Variants in OXR1 observed in about 807,000 individuals in gnomAD.
The protein encoded by OXR1 is oxidation resistance 1, also known as oxidation resistance protein 1.
Under a neutral mutation model 104.6 loss-of-function variants are expected in OXR1, and 41 were observed. That is an observed-to-expected ratio of 0.39 (90% confidence interval 0.31 to 0.51). The LOEUF (loss-of-function observed/expected upper bound fraction) is 0.51, where lower values mean the gene tolerates loss of function less well. Ranked by LOEUF, OXR1 falls within the 20% of genes least tolerant of loss-of-function variation. The pLI, the probability that OXR1 is intolerant of heterozygous loss-of-function variation, is 0.77. For missense variants in OXR1, 955 were observed against 1,031.9 expected, an observed-to-expected ratio of 0.93 and a Z score of 1.02; for synonymous variants, 348 against 348.4, an observed-to-expected ratio of 1.00 and a Z score of 0.01.
At chr8:106,549,563 C>A (rs550864764) in intron 3 of OXR1, among the ~76,000 whole-genome samples, 57 of 152,250 alleles carry the variant, frequency 3.7e-4, no homozygotes, top group African/African-American at 1.3e-3. Context: ...GTTCAGACTG[C>A]TATAACAGAA....
intron 2 of OXR1, among the ~76,000 whole-genome samples, chr8:106,377,102 T>A (rs1039450131): frequency 6.6e-6 from 1 of 152,184 alleles, no homozygotes; most frequent in Non-Finnish European, 1.5e-5. Flanking sequence ...GGGGGAGAAC[T>A]ACAGTCAAAT....
chr8:106,567,434 T>A (rs1346634682), intron 3 of OXR1, among the ~76,000 whole-genome samples: 1 of 152,148 alleles, frequency 6.6e-6, no homozygotes, highest in African/African-American at 2.4e-5. Context: ...ATGCCATGGC[T>A]TTTGTTTTGT....
At chr8:106,657,949 C>G in intron 3 of OXR1, 13 of 1,248,040 alleles carry the variant, frequency 1.0e-5, no homozygotes, top group Non-Finnish European at 1.3e-5. Flanking sequence ...AACCGTCGAC[C>G]TCCTGGGCCC....
chr8:106,344,735 T>A (rs1450916072), intron 1 of OXR1, among the ~76,000 whole-genome samples: 4 of 152,236 alleles, frequency 2.6e-5, no homozygotes, highest in African/African-American at 9.6e-5. Context: ...AGCCAGCTGA[T>A]GCATGAAAAG....
At chr8:106,737,218 T>C (rs1454955334) in intron 11 of OXR1, among the ~76,000 whole-genome samples, 1 of 152,164 alleles carries the variant, frequency 6.6e-6, no homozygotes, top group Non-Finnish European at 1.5e-5. Context: ...GTATGTGTTT[T>C]ATATAGTGTT....
At chr8:106,636,537 A>G (rs961139077) in intron 3 of OXR1, among the ~76,000 whole-genome samples, 18 of 152,156 alleles carry the variant, frequency 1.2e-4, no homozygotes, top group African/African-American at 3.6e-4. Flanking sequence ...ATGAACCACT[A>G]ATGCCTGACT....
At chr8:106,554,030 C>G (rs1340161046) in intron 3 of OXR1, among the ~76,000 whole-genome samples, 1 of 152,096 alleles carries the variant, frequency 6.6e-6, no homozygotes, top group Non-Finnish European at 1.5e-5. Context: ...TTTTCATCAT[C>G]TCTGTAACAT....
chr8:106,736,165 A>C (rs868397200), intron 11 of OXR1, among the ~76,000 whole-genome samples: 123 of 145,626 alleles, frequency 8.4e-4, no homozygotes, highest in Non-Finnish European at 1.1e-3. Flanking sequence ...TTTATCTGAC[A>C]CCCCCCCCCA....
intron 10 of OXR1, among the ~76,000 whole-genome samples, chr8:106,713,183 T>A (rs549224609): frequency 6.6e-6 from 1 of 151,990 alleles, no homozygotes; most frequent in Non-Finnish European, 1.5e-5. Context: ...CTGAAAGTTA[T>A]ATAATCAATT....
At chr8:106,433,360 C>T (rs757866859) in intron 2 of OXR1, among the ~76,000 whole-genome samples, 2 of 152,162 alleles carry the variant, frequency 1.3e-5, no homozygotes, top group Non-Finnish European at 2.9e-5. Flanking sequence ...TTAGGTTTTA[C>T]ATTAGTGATG....
rs565408305 is a variant in OXR1, at chr8:106,357,920, T to C, written c.-138-1556T>C. Reference sequence around the variant, plus strand: ...GCAGACGCTGCTAGTTTTCTGCCAGTATCCACTTCCCCACCTTCCTTACCG... The same window carrying C: ...GCAGACGCTGCTAGTTTTCTGCCAGCATCCACTTCCCCACCTTCCTTACCG... On this transcript the variant is annotated intron_variant, in intron 1 of 16. Coordinates refer to ENST00000517566, the MANE Select transcript of OXR1 (RefSeq NM_001198533.2). Among the ~76,000 whole-genome samples, 26 of 152,288 alleles carry C rather than the reference T, an allele frequency of 1.7e-4. 1 individual carries two copies. In the South Asian group the frequency reaches 5.4e-3, roughly 32 times the overall value.
intron 11 of OXR1, 151 bp downstream of exon 11, chr8:106,714,136 A>C: frequency 1.7e-6 from 1 of 579,532 alleles, no homozygotes; most frequent in Non-Finnish European, 2.9e-6. Flanking sequence ...TGGTTATTGA[A>C]TGAATCTGAA....
At chr8:106,738,967 T>G (rs1014626139) in intron 12 of OXR1, among the ~76,000 whole-genome samples, 1 of 152,124 alleles carries the variant, frequency 6.6e-6, no homozygotes, top group African/African-American at 2.4e-5. Context: ...ATAGTTATTT[T>G]TTTTTATTCT....
At chr8:106,671,629 T>C (rs1826991155) in intron 3 of OXR1, among the ~76,000 whole-genome samples, 1 of 152,044 alleles carries the variant, frequency 6.6e-6, no homozygotes, top group Non-Finnish European at 1.5e-5. Context: ...CGTGGAATAT[T>C]ATGCAGCCAT....
intron 2 of OXR1, among the ~76,000 whole-genome samples, chr8:106,385,335 T>C (rs1425142516): frequency 6.6e-6 from 1 of 152,232 alleles, no homozygotes; most frequent in African/African-American, 2.4e-5. Flanking sequence ...GAGAGAAAAT[T>C]CTTATTGATA....
At chr8:106,638,764 G>A (rs991013118) in intron 3 of OXR1, among the ~76,000 whole-genome samples, 6 of 152,008 alleles carry the variant, frequency 3.9e-5, no homozygotes, top group East Asian at 3.9e-4. Flanking sequence ...GTGGTGGCAC[G>A]TGTCTGTAGT....
At chr8:106,436,526 A>ACAAC (rs397801673) in intron 2 of OXR1, among the ~76,000 whole-genome samples, 171 of 151,448 alleles carry the variant, frequency 1.1e-3, no homozygotes, top group Non-Finnish European at 1.8e-3. Flanking sequence ...CCTATGCAAA[A>ACAAC]AAAAAAAATG....
chr8:106,737,549 G>T lies in OXR1; in HGVS notation c.1986G>T (p.Arg662Ser). The T allele has an allele frequency of 1.4e-6, 2 of 1,426,088 alleles. No individual in the cohort carries two copies. Among genetic ancestry groups the T allele is most frequent in the South Asian group, 3.0e-5 (2 of 66,074 alleles). The allele number at this position is 1,426,088 out of a possible 1,614,324, so 88.3% of individuals were successfully genotyped here. A position where few individuals can be genotyped will look rare whatever the true frequency, so the allele number is the denominator to read the frequency against. ...TGTCAGTGGCTGAGTATCACCGCAG[G>T]ATCGATGCTCTAAATACTGAAGAAC... ...EVVSVAEYHR[R>S]IDALNTEELR... The change falls in exon 12 of 17, where the codon AGG becomes AGT. Residue 662 changes from arginine to serine, a missense_variant. Coordinates refer to ENST00000517566, the MANE Select transcript of OXR1 (RefSeq NM_001198533.2).
intron 1 of OXR1, among the ~76,000 whole-genome samples, chr8:106,279,723 T>G (rs1019818710): frequency 6.6e-6 from 1 of 152,202 alleles, no homozygotes; most frequent in Admixed American, 6.5e-5. Context: ...TAAGTCCAAA[T>G]AAGGTAAATC....
Sources: gnomAD v4.1 joint callset for allele counts (sites outside exome capture counted in the v4.1 genomes callset) on GRCh38, gnomAD v4.1.1 for gene constraint, MANE v1.5 for transcripts, NCBI Gene and HGNC (gene_info 2026-07-23, HGNC 2026-07-21) for gene names.